Variants in PRAMEF4 observed in about 807,000 individuals in gnomAD.
The protein encoded by PRAMEF4 is PRAME family member 4, also known as RP5-845O24.6.
In PRAMEF4, 18 loss-of-function variants were observed where a neutral mutation model predicts 34.4. That is an observed-to-expected ratio of 0.52 (90% CI 0.36 to 0.78). PRAMEF4 has a LOEUF of 0.78. Among genes scored for constraint, PRAMEF4 ranks in the 30% least tolerant of loss-of-function variants. PRAMEF4 has a pLI of 0.00. For synonymous variants in PRAMEF4, 156 were observed against 219.3 expected, an observed-to-expected ratio of 0.71 and a Z score of 2.55; for missense variants, 482 against 569.1, an observed-to-expected ratio of 0.85 and a Z score of 1.56.
chr1:12,883,593 C>G (rs927318577), intron 1 of PRAMEF4, among the ~76,000 whole-genome samples, 183 bp from the exon 2 acceptor site: 2 of 148,770 alleles, frequency 1.3e-5, no homozygotes, highest in African/African-American at 5.0e-5. Context: ...TCAGCATGAG[C>G]GTCTCCGAAG....
At chr1:12,880,817 A>G (rs1445059836) in intron 3 of PRAMEF4, among the ~76,000 whole-genome samples, 8 of 146,400 alleles carry the variant, frequency 5.5e-5, no homozygotes, top group African/African-American at 1.5e-4. Flanking sequence ...TGCCTGTATC[A>G]TCAGCAAACC....
Position 12,879,853 on chromosome 1 carries a change from C to G in PRAMEF4, c.1128G>C (p.Leu376=), listed in dbSNP as rs28546260. The change falls in exon 4 of 4, where the codon CTG becomes CTC. Residue 376 remains leucine, a synonymous_variant. Transcript: ENST00000235349. The stretch of plus-strand genomic sequence containing the variant: ...AGGTGTTGAGCTCAAAGCAGCGGCT[C>G]AGGGCAGGCAAGATGGCGTTGACTT... ...DSQVNAILPA[L]SRCFELNTFS... is the part of the protein sequence containing the mutation. 188,128 of 1,597,790 alleles carry G rather than the reference C, an allele frequency of 0.12. 20,894 individuals carry two copies. Among genetic ancestry groups the G allele is most frequent in the African/African-American group, 0.14 (10,221 of 72,640 alleles).
chr1:12,884,307 A>G (rs61778467), intron 1 of PRAMEF4, among the ~76,000 whole-genome samples: 1,558 of 138,666 alleles, frequency 0.011, 8 homozygotes, highest in East Asian at 0.058. Flanking sequence ...GTGAGCCTCC[A>G]CCCCAGCCTC....
chr1:12,885,678 T>G (rs1322303422), intron 1 of PRAMEF4, among the ~76,000 whole-genome samples: 2 of 146,028 alleles, frequency 1.4e-5, no homozygotes, highest in African/African-American at 2.6e-5. Flanking sequence ...CTTCTGAGGA[T>G]GGAGACTGAG....
At chr1:12,882,936 C>T (rs967668223) in intron 2 of PRAMEF4, among the ~76,000 whole-genome samples, 166 bp downstream of exon 2, 1 of 146,624 alleles carries the variant, frequency 6.8e-6, no homozygotes, top group Admixed American at 7.0e-5. Context: ...CCTCCATGGA[C>T]CTTGCGTGGT....
chr1:12,885,215 C>CAAGATT (rs59462000), intron 1 of PRAMEF4, among the ~76,000 whole-genome samples: 3 of 131,620 alleles, frequency 2.3e-5, no homozygotes, highest in African/African-American at 5.5e-5. Flanking sequence ...CTGTTACCTC[C>CAAGATT]GCCTCCAAGA....
chr1:12,880,872 G>C (rs1161348139), intron 3 of PRAMEF4, among the ~76,000 whole-genome samples: 1 of 145,824 alleles, frequency 6.9e-6, no homozygotes, highest in African/African-American at 2.6e-5. Flanking sequence ...CTGACCCTCT[G>C]TTTCAGAATC....
At chr1:12,884,870 C>G (rs1248060820) in intron 1 of PRAMEF4, among the ~76,000 whole-genome samples, 1 of 149,972 alleles carries the variant, frequency 6.7e-6, no homozygotes, top group Non-Finnish European at 1.5e-5. Flanking sequence ...GACTCATTCA[C>G]TGATTCCCTT....
In PRAMEF4 at chr1:12,881,519, C is replaced by A. The variant is rs1370124903; in HGVS notation, c.875+335G>T. On this transcript the variant is annotated intron_variant, in intron 3 of 3. Transcript: ENST00000235349. ...GTGATAGGATTACAGGCATGAGCCACCGCCCCTGGCGTATTTTTCATCATC... is the reference window on the plus strand; with the variant it reads ...GTGATAGGATTACAGGCATGAGCCAACGCCCCTGGCGTATTTTTCATCATC... 8.8e-5 allele frequency among the ~76,000 whole-genome samples: 13 copies of A among 148,424 alleles called. 2 individuals carry two copies. Among genetic ancestry groups the A allele is most frequent in the African/African-American group, 2.8e-4 (11 of 39,522 alleles).
intron 3 of PRAMEF4, among the ~76,000 whole-genome samples, chr1:12,880,778 C>T (rs79323945): frequency 2.9e-5 from 4 of 140,186 alleles, no homozygotes; most frequent in African/African-American, 8.2e-5. Flanking sequence ...ACATCAGCTA[C>T]GGTGGGCGGG....
Position 12,879,770 on chromosome 1 carries a change from G to A in PRAMEF4, c.1211C>T (p.Thr404Ile). The stretch of plus-strand genomic sequence containing the variant: ...CACGCATAAGTTTTTGAGTATGATT[G>A]TGTGGCTCAGCAGGTTCTCCAGGGT... ...MATLENLLSH[T>I]IILKNLCVEL... is the part of the protein sequence containing the mutation. Residue 404 changes from threonine (T) to isoleucine (I), a missense_variant, in exon 4 of 4, where the codon ACA becomes ATA. Physicochemically the swap from Thr to Ile is moderately conservative, Grantham distance 89 (BLOSUM62 -1). Coordinates refer to ENST00000235349, the MANE Select transcript of PRAMEF4 (RefSeq NM_001009611.4). 1.2e-6 allele frequency: 2 copies of A among 1,602,790 alleles called. No homozygotes were observed. Among genetic ancestry groups the A allele is most frequent in the Non-Finnish European group, 1.7e-6 (2 of 1,175,542 alleles).
chr1:12,882,970 T>C, intron 2 of PRAMEF4, 132 bp downstream of exon 2: 1 of 1,318,044 alleles, frequency 7.6e-7, no homozygotes, highest in Non-Finnish European at 1.0e-6. Flanking sequence ...CCTGAGGAGC[T>C]GGTGAATGGC....
intron 1 of PRAMEF4, among the ~76,000 whole-genome samples, chr1:12,884,705 T>A (rs897367591): frequency 6.8e-6 from 1 of 147,608 alleles, no homozygotes; most frequent in African/African-American, 2.5e-5. Context: ...ATAGGCTAGA[T>A]TGAACAGAGA....
chr1:12,883,353 AAGCTCCAGG>A lies in PRAMEF4; in HGVS notation c.33_41del (p.Leu12_Leu14del), dbSNP rs749580558. On this transcript the variant is annotated inframe_deletion, in exon 2 of 4. Transcript: ENST00000235349. The stretch of plus-strand genomic sequence containing the variant: ...GGTCCCTTAGCAGGCTCCGCCCTGC[AAGCTCCAGG>A]AGTCTGGGTGGAGTCCAGATGCTCA... 6.3e-7 allele frequency: 1 copy of A among 1,593,190 alleles called. No individual in the cohort carries two copies. The highest frequency in any genetic ancestry group is 1.4e-5 in the African/African-American group (1 of 73,018).
chr1:12,883,575 C>A (rs1241388205), intron 1 of PRAMEF4, among the ~76,000 whole-genome samples, 165 bp from the exon 2 acceptor site: 2 of 149,242 alleles, frequency 1.3e-5, no homozygotes, highest in East Asian at 3.9e-4. Context: ...CATTCTGCCT[C>A]TGCTGCATCA....
intron 3 of PRAMEF4, among the ~76,000 whole-genome samples, chr1:12,880,678 C>T (rs542533458): frequency 1.3e-5 from 2 of 148,694 alleles, no homozygotes; most frequent in East Asian, 2.0e-4. Flanking sequence ...GCTCCCTTTC[C>T]TCATCTGTCA....
In PRAMEF4 at chr1:12,879,909, C is replaced by A. The variant is rs764521678; in HGVS notation, c.1072G>T (p.Asp358Tyr). 6.2e-7 allele frequency: 1 copy of A among 1,604,026 alleles called. No homozygotes were observed. The highest frequency in any genetic ancestry group is 1.1e-5 in the South Asian group (1 of 90,468). ...EKVAATLEYLDLDDCGIIDSQ... is the reference protein window; with the variant it reads ...EKVAATLEYLYLDDCGIIDSQ... ...TCTATGATGCCACAGTCATCTAAAT[C>A]CAGGTACTCAAGGGTGGCTGCAACT... The change falls in exon 4 of 4, where the codon GAT becomes TAT. Residue 358 changes from aspartate (D) to tyrosine (Y), a missense_variant. Physicochemically the swap from Asp to Tyr is radical, Grantham distance 160. This residue lies in a region of PRAMEF4 where 35 missense variants were observed against 109.2 expected (regional missense o/e 0.32). Coordinates refer to ENST00000235349, the MANE Select transcript of PRAMEF4 (RefSeq NM_001009611.4).
intron 1 of PRAMEF4, among the ~76,000 whole-genome samples, chr1:12,885,411 C>G (rs1051120452): frequency 1.3e-5 from 2 of 149,892 alleles, no homozygotes; most frequent in Admixed American, 6.8e-5. Context: ...GGCTGGAGTA[C>G]AGTAGTGGTG....
Position 12,884,559 on chromosome 1 carries a change from G to C in PRAMEF4, c.-16-1149C>G, listed in dbSNP as rs1256142809. On this transcript the variant is annotated intron_variant, in intron 1 of 3. Coordinates refer to ENST00000235349, the MANE Select transcript of PRAMEF4 (RefSeq NM_001009611.4). ...GTAAAACCCTGACTCTACTAAGACA[G>C]CAAAAATTAGCCAGGTGCAGTGGTC... Among the ~76,000 whole-genome samples the C allele has an allele frequency of 1.4e-5, 2 of 146,722 alleles. 1 individual carries two copies. Among genetic ancestry groups the C allele is most frequent in the African/African-American group, 5.1e-5 (2 of 39,286 alleles).
Sources: allele counts gnomAD v4.1 joint callset (sites outside exome capture counted in the v4.1 genomes callset), GRCh38; gene constraint gnomAD v4.1.1; regional missense constraint gnomAD v4.1.1; transcripts MANE v1.5; gene names NCBI Gene and HGNC (gene_info 2026-07-23, HGNC 2026-07-21).